The following LRRC31 variants were observed in gnomAD, a reference collection of about 807,000 sequenced individuals.
The protein encoded by LRRC31 is leucine-rich repeat-containing protein 31.
In LRRC31, 35 loss-of-function variants were observed where a neutral mutation model predicts 46.7. The ratio of observed to expected loss-of-function variants is 0.75; its 90% confidence interval spans 0.57 to 0.99. The LOEUF is 0.99. Among genes scored for constraint, LRRC31 ranks in the 50% least tolerant of loss-of-function variants. LRRC31 has a pLI of 0.00. For synonymous variants in LRRC31, 236 were observed against 235.1 expected, an observed-to-expected ratio of 1.00 and a Z score of -0.03; for missense variants, 613 against 626.1, an observed-to-expected ratio of 0.98 and a Z score of 0.22.
intron 8 of LRRC31, among the ~76,000 whole-genome samples, 187 bp from the exon 9 acceptor site, chr3:169,840,500 C>T (rs540905363): frequency 5.9e-4 from 90 of 152,294 alleles, no homozygotes; most frequent in African/African-American, 2.1e-3. Context: ...TACATCCCAT[C>T]TACAGCTTTT....
At chr3:169,859,503 T>C (rs552080172) in intron 3 of LRRC31, among the ~76,000 whole-genome samples, 1 of 152,260 alleles carries the variant, frequency 6.6e-6, no homozygotes, top group East Asian at 1.9e-4. Context: ...CTGTAAAGGA[T>C]TAAAATAAGT....
intron 3 of LRRC31, among the ~76,000 whole-genome samples, chr3:169,860,093 G>A (rs942471371): frequency 6.6e-6 from 1 of 151,462 alleles, no homozygotes; most frequent in Non-Finnish European, 1.5e-5. Flanking sequence ...GCAGTGAGCC[G>A]AGACTGCACC....
At chr3:169,858,132 T>C (rs1005735073) in intron 3 of LRRC31, among the ~76,000 whole-genome samples, 1 of 152,204 alleles carries the variant, frequency 6.6e-6, no homozygotes, top group Non-Finnish European at 1.5e-5. Context: ...TTATTTTCCC[T>C]ATACCCCATC....
intron 8 of LRRC31, among the ~76,000 whole-genome samples, chr3:169,842,951 AC>A (rs1780496076): frequency 6.6e-6 from 1 of 152,090 alleles, no homozygotes; most frequent in Non-Finnish European, 1.5e-5. Flanking sequence ...ACATCAATAA[AC>A]CCCTTGCAGT....
intron 3 of LRRC31, among the ~76,000 whole-genome samples, chr3:169,859,347 C>A (rs941297240): frequency 1.3e-5 from 2 of 151,426 alleles, no homozygotes; most frequent in Admixed American, 6.6e-5. Flanking sequence ...GAAGTAGGAT[C>A]TGGCCAACCT....
chr3:169,861,647 T>A, intron 2 of LRRC31, 23 bp downstream of exon 2: 1 of 1,611,680 alleles, frequency 6.2e-7, no homozygotes, highest in Non-Finnish European at 8.5e-7. Context: ...TCTTCCTCTA[T>A]GCAAAGTCTG....
At chr3:169,844,930 C>CAAAA (rs59099192) in intron 8 of LRRC31, among the ~76,000 whole-genome samples, 11 of 99,566 alleles carry the variant, frequency 1.1e-4, no homozygotes, top group Admixed American at 2.0e-4. Flanking sequence ...GACTCCATCT[C>CAAAA]AAAAAAAAAA....
chr3:169,856,398 G>C lies in LRRC31; in HGVS notation c.761C>G (p.Ser254Ter). Residue 254 changes from serine (S) to a stop codon, truncating the protein, a stop_gained, in exon 5 of 9, where the codon TCA (serine) becomes TGA (stop). Coordinates refer to ENST00000316428, the MANE Select transcript of LRRC31 (RefSeq NM_024727.4). LOFTEE classifies it high-confidence loss of function. ...ATGTAACTTCAGTACTTTCAGATTTGAGGTGCTTTTTAATCCCTGAGCAAT... is the reference window on the plus strand; with the variant it reads ...ATGTAACTTCAGTACTTTCAGATTTCAGGTGCTTTTTAATCCCTGAGCAAT... ...NSIAQGLKST[S>*]NLKVLKLHSC... 1 of 1,605,992 alleles carries C rather than the reference G, an allele frequency of 6.2e-7. No homozygotes were observed.
rs1428220259 is a variant in LRRC31, at chr3:169,839,312, A to AT, written c.*669dup. On this transcript the variant is annotated 3_prime_UTR_variant, in exon 9 of 9. Transcript: ENST00000316428. ...ATATGTTTTTCATACTGAGTTTTAG[A>AT]TTTTTAATCACTTTTTACTAAGATT... The AT allele has an allele frequency of 6.6e-6, 1 of 152,188 alleles. No individual in the cohort carries two copies. The highest frequency in any genetic ancestry group is 1.9e-4 in the East Asian group (1 of 5,204). The allele number at this position is 152,188 out of a possible 1,614,324, so 9.4% of individuals were successfully genotyped here.
chr3:169,840,026 C>A lies in LRRC31; in HGVS notation c.1615G>T (p.Asp539Tyr). 6.2e-7 allele frequency: 1 copy of A among 1,612,780 alleles called. No homozygotes were observed. Among genetic ancestry groups the A allele is most frequent in the South Asian group, 1.1e-5 (1 of 90,868 alleles). Reference sequence around the variant, plus strand: ...TCAAAGTGAATGCTTCTTTTTTTATCTTGGTCAAAGCATTCTAGTTCTTCC... The same window carrying A: ...TCAAAGTGAATGCTTCTTTTTTTATATTGGTCAAAGCATTCTAGTTCTTCC... The part of the protein sequence containing the change: ...QEEELECFDQ[D>Y]KKRSIHFDHG... The change falls in exon 9 of 9, where the codon GAT becomes TAT. Residue 539 changes from aspartate to tyrosine, a missense_variant. Physicochemically the swap from Asp to Tyr is radical, Grantham distance 160. Transcript: ENST00000316428.
intron 8 of LRRC31, among the ~76,000 whole-genome samples, chr3:169,842,060 A>G (rs1172423561): frequency 6.6e-6 from 1 of 152,140 alleles, no homozygotes. Context: ...AAAATAAAAT[A>G]AAATACATAA....
intron 6 of LRRC31, chr3:169,853,616 G>A (rs906953928): frequency 8.1e-6 from 8 of 985,662 alleles, no homozygotes; most frequent in Non-Finnish European, 9.6e-6. Context: ...TAAGTAAAGG[G>A]GATGGTAGGA....
In LRRC31 at chr3:169,869,296, G is replaced by A. The variant is rs1348496670; in HGVS notation, c.175+337C>T. ...TGAGGCAGGAGAATCGCTTGAACCC[G>A]GGAGGCAGAGGTTACTATGAGCTGA... On this transcript the variant is annotated intron_variant, in intron 1 of 8. Coordinates refer to ENST00000316428, the MANE Select transcript of LRRC31 (RefSeq NM_024727.4). 4.0e-5 allele frequency among the ~76,000 whole-genome samples: 6 copies of A among 151,854 alleles called. 1 individual carries two copies. Among genetic ancestry groups the A allele is most frequent in the South Asian group, 4.2e-4 (2 of 4,720 alleles).
intron 7 of LRRC31, 50 bp downstream of exon 7, chr3:169,851,569 C>A (rs753826555): frequency 1.9e-6 from 3 of 1,544,224 alleles, no homozygotes; most frequent in Non-Finnish European, 2.6e-6. Context: ...AAAGAAGTCT[C>A]CCTCGCACAT....
In LRRC31 at chr3:169,854,903, C is replaced by T; in HGVS notation, c.901G>A (p.Asp301Asn). Residue 301 changes from aspartate to asparagine, a missense_variant, in exon 6 of 9, where the codon GAC becomes AAC. By Grantham distance (23) the Asp-to-Asn change is conservative. Coordinates refer to ENST00000316428, the MANE Select transcript of LRRC31 (RefSeq NM_024727.4). ...CNKDLGGGFEDSPAQLVMLKH... is the reference protein window; with the variant it reads ...CNKDLGGGFENSPAQLVMLKH... ...AGCATGACCAACTGAGCCGGCGAGT[C>T]TTCAAAACCTCCACCTAGATCCTTA... 1 of 1,613,726 alleles carries T rather than the reference C, an allele frequency of 6.2e-7. No homozygotes were observed. Among genetic ancestry groups the T allele is most frequent in the Non-Finnish European group, 8.5e-7 (1 of 1,179,952 alleles).
intron 6 of LRRC31, among the ~76,000 whole-genome samples, chr3:169,852,016 T>C (rs1354066601): frequency 1.3e-5 from 2 of 151,920 alleles, no homozygotes; most frequent in African/African-American, 2.4e-5. Flanking sequence ...GACAGAGAAG[T>C]AGATCTTGGA....
Position 169,868,818 on chromosome 3 carries a change from T to G in LRRC31, c.175+815A>C, listed in dbSNP as rs533218637. Among the ~76,000 whole-genome samples the G allele has an allele frequency of 5.9e-5, 9 of 152,202 alleles. No homozygotes were observed. The East Asian group carries it at 1.5e-3, about 26-fold the overall frequency. ...ATAGTTGAGTCTTTAGTCTCAAAAGTCTTAAAGTCTTTAGTTTAACCCATA... is the reference window on the plus strand; with the variant it reads ...ATAGTTGAGTCTTTAGTCTCAAAAGGCTTAAAGTCTTTAGTTTAACCCATA... On this transcript the variant is annotated intron_variant, in intron 1 of 8. Coordinates refer to ENST00000316428, the MANE Select transcript of LRRC31 (RefSeq NM_024727.4).
intron 6 of LRRC31, among the ~76,000 whole-genome samples, chr3:169,852,678 A>G (rs1383235289): frequency 6.6e-6 from 1 of 152,168 alleles, no homozygotes; most frequent in Non-Finnish European, 1.5e-5. Context: ...TCTTTTGGCT[A>G]CTTCTCTGGC....
At chr3:169,847,636 T>C (rs1780645286) in intron 8 of LRRC31, among the ~76,000 whole-genome samples, 1 of 152,252 alleles carries the variant, frequency 6.6e-6, no homozygotes. Flanking sequence ...CATCTTTTTC[T>C]AATAGAGAGG....
Sources: allele counts gnomAD v4.1 joint callset (sites outside exome capture counted in the v4.1 genomes callset), GRCh38; gene constraint gnomAD v4.1.1; transcripts MANE v1.5; gene names NCBI Gene and HGNC (gene_info 2026-07-23, HGNC 2026-07-21).